SPOCK1: variants seen among roughly 807,000 people sequenced by gnomAD.
SPOCK1 encodes testican-1.
Under a neutral mutation model 55.3 loss-of-function variants are expected in SPOCK1, and 23 were observed. The observed-to-expected ratio is 0.42, with a 90% CI of 0.30 to 0.59. SPOCK1 has a LOEUF of 0.59. Ranked by LOEUF, SPOCK1 falls within the 20% of genes least tolerant of loss-of-function variation. SPOCK1 has a pLI of 0.22. For synonymous variants in SPOCK1, 226 were observed against 221.0 expected, an observed-to-expected ratio of 1.02 and a Z score of -0.20; for missense variants, 499 against 552.5, an observed-to-expected ratio of 0.90 and a Z score of 0.97.
intron 2 of SPOCK1, among the ~76,000 whole-genome samples, chr5:137,387,574 T>A (rs1446192892): frequency 6.6e-6 from 1 of 152,230 alleles, no homozygotes; most frequent in Non-Finnish European, 1.5e-5. Context: ...CACAGGGGAT[T>A]TTTAGGGCAG....
At chr5:136,979,813 A>G (rs1425376879) in intron 9 of SPOCK1, among the ~76,000 whole-genome samples, 1 of 152,228 alleles carries the variant, frequency 6.6e-6, no homozygotes, top group African/African-American at 2.4e-5. Flanking sequence ...TAAGAGATAC[A>G]TACCATCATT....
intron 6 of SPOCK1, among the ~76,000 whole-genome samples, chr5:137,063,386 A>T (rs946215462): frequency 2.6e-5 from 4 of 151,846 alleles, no homozygotes; most frequent in Admixed American, 1.3e-4. Context: ...ACAACAAAAA[A>T]ATCTTGGCTT....
chr5:137,091,424 A>G (rs1286749704), intron 5 of SPOCK1, among the ~76,000 whole-genome samples: 2 of 152,220 alleles, frequency 1.3e-5, no homozygotes, highest in African/African-American at 4.8e-5. Context: ...CATGATATCA[A>G]TGCCAGGCAG....
chr5:136,991,091 C>T (rs573134223), intron 7 of SPOCK1, among the ~76,000 whole-genome samples: 1 of 152,210 alleles, frequency 6.6e-6, no homozygotes, highest in East Asian at 1.9e-4. Context: ...ACCTAAAAGC[C>T]TCTTAGGGGA....
intron 3 of SPOCK1, among the ~76,000 whole-genome samples, chr5:137,231,108 A>G (rs1056330563): frequency 1.3e-5 from 2 of 151,136 alleles, no homozygotes; most frequent in South Asian, 2.1e-4. Context: ...TAATGGCATG[A>G]TCTTGGCTCA....
At chr5:137,401,588 TA>T (rs1751982206) in intron 2 of SPOCK1, among the ~76,000 whole-genome samples, 3 of 149,420 alleles carry the variant, frequency 2.0e-5, no homozygotes, top group Admixed American at 6.7e-5. Context: ...AATGTAAGTT[TA>T]AAAAAATTCA....
At chr5:137,077,832 C>T (rs1458552657) in intron 5 of SPOCK1, among the ~76,000 whole-genome samples, 10 of 152,208 alleles carry the variant, frequency 6.6e-5, no homozygotes, top group Admixed American at 6.5e-4. Context: ...TGTCCATGCT[C>T]ATACACCCTA....
intron 2 of SPOCK1, among the ~76,000 whole-genome samples, chr5:137,359,936 G>A (rs1750905058): frequency 6.6e-6 from 1 of 152,184 alleles, no homozygotes; most frequent in African/African-American, 2.4e-5. Flanking sequence ...CCCTCGTGGT[G>A]ACAAATGTAC....
intron 2 of SPOCK1, among the ~76,000 whole-genome samples, chr5:137,344,723 G>C (rs1750517133): frequency 6.6e-6 from 1 of 152,144 alleles, no homozygotes; most frequent in Non-Finnish European, 1.5e-5. Context: ...AACAACATTG[G>C]GCATAAGGTT....
intron 3 of SPOCK1, among the ~76,000 whole-genome samples, chr5:137,253,957 G>A (rs1046526320): frequency 5.9e-5 from 9 of 152,178 alleles, no homozygotes; most frequent in Non-Finnish European, 1.2e-4. Flanking sequence ...TAAAGCATTC[G>A]AAACCATTTC....
At chr5:137,339,949 T>C (rs1263890561) in intron 2 of SPOCK1, among the ~76,000 whole-genome samples, 1 of 152,208 alleles carries the variant, frequency 6.6e-6, no homozygotes, top group African/African-American at 2.4e-5. Context: ...TCAGGTGTGA[T>C]GTGTGCTCCT....
intron 2 of SPOCK1, among the ~76,000 whole-genome samples, chr5:137,479,394 G>A (rs1753902473): frequency 6.6e-6 from 1 of 152,226 alleles, no homozygotes; most frequent in East Asian, 1.9e-4. Flanking sequence ...ACCTATAGGT[G>A]AGAGGACTTT....
chr5:137,330,133 A>T (rs1315971814), intron 2 of SPOCK1, among the ~76,000 whole-genome samples: 1 of 152,142 alleles, frequency 6.6e-6, no homozygotes, highest in Non-Finnish European at 1.5e-5. Context: ...GAGCTAAGGG[A>T]TGACCTATGG....
intron 2 of SPOCK1, among the ~76,000 whole-genome samples, chr5:137,341,987 G>A (rs1162097301): frequency 6.6e-6 from 1 of 152,220 alleles, no homozygotes; most frequent in African/African-American, 2.4e-5. Context: ...ATGTGACTGT[G>A]CTCGGTGACT....
chr5:137,050,592 AC>A (rs1214071964), intron 6 of SPOCK1, among the ~76,000 whole-genome samples: 1 of 151,324 alleles, frequency 6.6e-6, no homozygotes, highest in Non-Finnish European at 1.5e-5. Flanking sequence ...TGCAGAAATC[AC>A]CCGTCTTCTG....
chr5:137,441,136 A>G (rs17783437), intron 2 of SPOCK1, among the ~76,000 whole-genome samples: 1,897 of 152,386 alleles, frequency 0.012, 16 homozygotes, highest in Middle Eastern at 0.061. Context: ...GTTCAACATC[A>G]GAGTGGCTGA....
chr5:137,463,393 G>A (rs758420733), intron 2 of SPOCK1, among the ~76,000 whole-genome samples: 8 of 152,096 alleles, frequency 5.3e-5, no homozygotes, highest in Admixed American at 2.6e-4. Flanking sequence ...TATGTTAAGT[G>A]AAATAAGCCA....
chr5:137,020,264 A>T (rs1346975956), intron 6 of SPOCK1, among the ~76,000 whole-genome samples: 1 of 151,960 alleles, frequency 6.6e-6, no homozygotes, highest in East Asian at 1.9e-4. Flanking sequence ...TATTTAATAT[A>T]AAAGGATAAA....
chr5:137,237,451 A>T (rs1043688160), intron 3 of SPOCK1, among the ~76,000 whole-genome samples: 4 of 152,200 alleles, frequency 2.6e-5, no homozygotes, highest in Non-Finnish European at 5.9e-5. Context: ...AATGAAGCCT[A>T]ACCAGTTTGT....
Sources: allele counts gnomAD v4.1 joint callset (sites outside exome capture counted in the v4.1 genomes callset), GRCh38; gene constraint gnomAD v4.1.1; transcripts MANE v1.5; gene names NCBI Gene and HGNC (gene_info 2026-07-23, HGNC 2026-07-21).